TEKT5: variants seen among roughly 807,000 people sequenced by gnomAD.
TEKT5 encodes tektin 5.
In TEKT5, 52 loss-of-function variants were observed where a neutral mutation model predicts 48.7. The observed-to-expected ratio is 1.07, with a 90% CI of 0.86 to 1.35. TEKT5 has a LOEUF of 1.35. Among genes scored for constraint, TEKT5 ranks in the 40% most tolerant of loss-of-function variants. TEKT5 has a pLI of 0.00. For synonymous variants in TEKT5, 318 were observed against 267.6 expected (o/e 1.19, Z -1.84); for missense variants, 831 against 641.6 (o/e 1.30, Z -3.19).
intron 5 of TEKT5, among the ~76,000 whole-genome samples, chr16:10,641,236 A>G (rs1374190863): frequency 6.6e-6 from 1 of 152,162 alleles, no homozygotes; most frequent in East Asian, 1.9e-4. Context: ...GCAAGTCTTC[A>G]GAGAAGCATG....
intron 1 of TEKT5, chr16:10,690,248 C>T: frequency 1.8e-6 from 1 of 544,262 alleles, no homozygotes; most frequent in South Asian, 2.8e-5. Flanking sequence ...GATGCAAGGC[C>T]CATGTAGAGA....
At chr16:10,680,031 G>T (rs2541498) in intron 4 of TEKT5, among the ~76,000 whole-genome samples, 74,728 of 152,180 alleles carry the variant, frequency 0.49, 20,156 homozygotes, top group East Asian at 0.81. Flanking sequence ...GGACTTTAAG[G>T]AGCAGGTCCC....
chr16:10,681,257 T>C (rs905635869), intron 4 of TEKT5, among the ~76,000 whole-genome samples: 14 of 152,162 alleles, frequency 9.2e-5, no homozygotes, highest in Admixed American at 9.2e-4. Context: ...AAGTGGGTAC[T>C]TAATTTTCTC....
intron 5 of TEKT5, among the ~76,000 whole-genome samples, chr16:10,657,323 T>G (rs1018363135): frequency 2.6e-5 from 4 of 151,778 alleles, no homozygotes; most frequent in Non-Finnish European, 4.4e-5. Context: ...AAACAGGGTT[T>G]CACCATGTTG....
In TEKT5 at chr16:10,694,694, G is replaced by T. The variant is rs375993172; in HGVS notation, c.180C>A (p.Asn60Lys). 1 of 1,613,636 alleles carries T rather than the reference G, an allele frequency of 6.2e-7. No individual in the cohort carries two copies. Among genetic ancestry groups the T allele is most frequent in the Admixed American group, 1.7e-5 (1 of 59,962 alleles). The change falls in exon 1 of 7, where the codon AAC (asparagine) becomes AAA (lysine). Residue 60 changes from asparagine to lysine, a missense_variant. Transcript: ENST00000283025. ...TGCTCTCGTCCGGGCAGGTCTGGAC[G>T]TTGGCTATCTTGTAGAAGAGGCTAG... ...WRPSLFYKIA[N>K]VQTCPDESTS...
intron 6 of TEKT5, among the ~76,000 whole-genome samples, chr16:10,632,869 G>C (rs911651392): frequency 7.6e-6 from 1 of 131,642 alleles, no homozygotes. Context: ...CACAGATGCA[G>C]ACACACACAC....
chr16:10,667,214 G>A (rs1017981495), intron 5 of TEKT5, among the ~76,000 whole-genome samples: 3 of 152,040 alleles, frequency 2.0e-5, no homozygotes, highest in Non-Finnish European at 2.9e-5. Context: ...AAACTCCTGG[G>A]CTCAAGCTAT....
chr16:10,659,835 C>A (rs1898331570), intron 5 of TEKT5, among the ~76,000 whole-genome samples: 2 of 152,042 alleles, frequency 1.3e-5, no homozygotes, highest in Admixed American at 1.3e-4. Flanking sequence ...TCAGTGGGCA[C>A]AGGGTTTTGT....
At chr16:10,656,945 C>T (rs1256127575) in intron 5 of TEKT5, among the ~76,000 whole-genome samples, 1 of 151,496 alleles carries the variant, frequency 6.6e-6, no homozygotes, top group Non-Finnish European at 1.5e-5. Flanking sequence ...TGCTAGATTG[C>T]CCAAGCTGGT....
At chr16:10,642,485 G>C (rs775236999) in intron 5 of TEKT5, among the ~76,000 whole-genome samples, 16 of 152,076 alleles carry the variant, frequency 1.1e-4, no homozygotes, top group Non-Finnish European at 1.5e-4. Context: ...CATAACAAAG[G>C]CTCCTGCCCA....
chr16:10,682,123 C>A lies in TEKT5; in HGVS notation c.733G>T (p.Ala245Ser), dbSNP rs147720864. 6,142 of 1,614,108 alleles carry A rather than the reference C, an allele frequency of 3.8e-3. 26 individuals are homozygous for A. The highest frequency in any genetic ancestry group is 8.2e-3 in the Admixed American group (490 of 60,022). Reference protein sequence around the residue: ...IDIQMRDNRDAQHVLERDLED... With the variant: ...IDIQMRDNRDSQHVLERDLED... ...AGGTCCCTCTCCAGCACGTGCTGAG[C>A]ATCCCGGTTATCCCTGCAGGGAGGG... Residue 245 changes from alanine (A) to serine (S), a missense_variant, in exon 4 of 7, where the codon GCT (alanine) becomes TCT (serine). Transcript: ENST00000283025.
intron 5 of TEKT5, among the ~76,000 whole-genome samples, chr16:10,652,682 GACACACACACAC>G (rs1187367332): frequency 2.6e-4 from 2 of 7,624 alleles, no homozygotes; most frequent in Admixed American, 2.2e-3. Context: ...TACACAGGCA[GACACACACACAC>G]ACACACACAC....
chr16:10,651,739 C>G (rs1437230299), intron 5 of TEKT5, among the ~76,000 whole-genome samples: 1 of 152,118 alleles, frequency 6.6e-6, no homozygotes, highest in Admixed American at 6.6e-5. Flanking sequence ...GTGGGAGGAT[C>G]ACCTGAGATC....
chr16:10,647,504 G>A (rs1359368683), intron 5 of TEKT5, among the ~76,000 whole-genome samples: 1 of 151,026 alleles, frequency 6.6e-6, no homozygotes, highest in Non-Finnish European at 1.5e-5. Context: ...AGCCACCTGT[G>A]GTACGCGCCT....
At chr16:10,675,555 T>C (rs1477421819) in intron 5 of TEKT5, among the ~76,000 whole-genome samples, 1 of 152,170 alleles carries the variant, frequency 6.6e-6, no homozygotes, top group South Asian at 2.1e-4. Flanking sequence ...GTTCAGGCCT[T>C]TGGAAGTCAA....
At chr16:10,678,018 T>C (rs1055818863) in intron 4 of TEKT5, among the ~76,000 whole-genome samples, 2 of 152,176 alleles carry the variant, frequency 1.3e-5, no homozygotes, top group African/African-American at 4.8e-5. Context: ...GTAAAGTTCT[T>C]CCTGGCAGAG....
chr16:10,649,664 G>A lies in TEKT5; in HGVS notation c.1087-13746C>T, dbSNP rs141671568. Among the ~76,000 whole-genome samples the A allele has an allele frequency of 3.9e-5, 6 of 152,146 alleles. No homozygotes were observed. In the East Asian group the frequency reaches 9.6e-4, roughly 24 times the overall value. The stretch of plus-strand genomic sequence containing the variant: ...TTGCCCAGGCTAGTCTTGAACTCTG[G>A]GCCTCAAGTGATCCTCCCACACTGG... On this transcript the variant is annotated intron_variant, in intron 5 of 6. Coordinates refer to ENST00000283025, the MANE Select transcript of TEKT5 (RefSeq NM_144674.2).
intron 3 of TEKT5, among the ~76,000 whole-genome samples, chr16:10,686,777 A>T (rs1419450455): frequency 2.6e-5 from 4 of 152,230 alleles, no homozygotes; most frequent in Non-Finnish European, 4.4e-5. Context: ...ACCCAGTTTT[A>T]AAATGGACAA....
intron 6 of TEKT5, among the ~76,000 whole-genome samples, chr16:10,634,460 A>G (rs1897885011): frequency 6.6e-6 from 1 of 152,150 alleles, no homozygotes; most frequent in African/African-American, 2.4e-5. Context: ...AGGTTTATGG[A>G]GCAAATGAGC....
Sources: allele counts gnomAD v4.1 joint callset (sites outside exome capture counted in the v4.1 genomes callset), GRCh38; gene constraint gnomAD v4.1.1; transcripts MANE v1.5; gene names NCBI Gene and HGNC (gene_info 2026-07-23, HGNC 2026-07-21).